CEP135: variants seen among roughly 807,000 people sequenced by gnomAD.
CEP135 encodes the protein centrosomal protein 135.
In CEP135, 142 loss-of-function variants were observed where a neutral mutation model predicts 157.3. That is an observed-to-expected ratio of 0.90 (90% CI 0.79 to 1.04). The LOEUF (loss-of-function observed/expected upper bound fraction) is 1.04. Among genes scored for constraint, CEP135 ranks in the 50% least tolerant of loss-of-function variants. The pLI is 0.00. For missense variants in CEP135, 1,317 were observed against 1,309.2 expected (o/e 1.01, Z -0.09); for synonymous variants, 396 against 439.8 (o/e 0.90, Z 1.25).
chr4:56,008,786 T>C (rs1730453545), intron 18 of CEP135, among the ~76,000 whole-genome samples: 1 of 152,242 alleles, frequency 6.6e-6, no homozygotes, highest in African/African-American at 2.4e-5. Context: ...TGTAAGCCAC[T>C]TCAAGAAAAA....
rs1183705842 is a variant in CEP135, at chr4:56,023,720, AAT to A, written c.3321-774_3321-773del. ...ATATAATATACTGTATATTATATGT[AAT>A]ATATATTGTATCATATATAGTATAT... On this transcript the variant is annotated intron_variant, in intron 24 of 25. Coordinates refer to ENST00000257287, the MANE Select transcript of CEP135 (RefSeq NM_025009.5). Among the ~76,000 whole-genome samples the A allele has an allele frequency of 1.5e-3, 214 of 143,450 alleles. 2 individuals carry two copies. The highest frequency in any genetic ancestry group is 5.1e-3 in the African/African-American group (200 of 39,316). 94.1% of individuals were successfully genotyped at this position (143,450 alleles called of 152,430 possible). A position where few individuals can be genotyped will look rare whatever the true frequency, so the allele number is the denominator to read the frequency against.
intron 24 of CEP135, among the ~76,000 whole-genome samples, chr4:56,023,692 T>C (rs1310957184): frequency 7.0e-6 from 1 of 143,126 alleles, no homozygotes; most frequent in Non-Finnish European, 1.5e-5. Context: ...TCACATAATA[T>C]ATATATAATA....
intron 17 of CEP135, among the ~76,000 whole-genome samples, chr4:56,002,412 GTA>G (rs1730208233): frequency 6.6e-6 from 1 of 151,884 alleles, no homozygotes; most frequent in African/African-American, 2.4e-5. Flanking sequence ...TTTTCTTTCT[GTA>G]CCCTTTGTTG....
intron 17 of CEP135, among the ~76,000 whole-genome samples, chr4:56,007,234 T>G (rs1320334136): frequency 2.0e-5 from 3 of 152,210 alleles, no homozygotes; most frequent in African/African-American, 7.2e-5. Context: ...TGCTTAGAGA[T>G]TCTTCAAACT....
Position 55,964,354 on chromosome 4 carries a change from G to T in CEP135, c.780G>T (p.Glu260Asp), listed in dbSNP as rs1179575617. The T allele has an allele frequency of 1.2e-6, 2 of 1,612,576 alleles. No homozygotes were observed. Among genetic ancestry groups the T allele is most frequent in the African/African-American group, 2.7e-5 (2 of 74,868 alleles). Reference sequence around the variant, plus strand: ...GGTCCCCTGATGTCCTTTCTCTGGAGTCTAGAAATAAAACCAATGAAAAGC... The same window carrying T: ...GGTCCCCTGATGTCCTTTCTCTGGATTCTAGAAATAAAACCAATGAAAAGC... The part of the protein sequence containing the change: ...GGRSPDVLSL[E>D]SRNKTNEKLI... Residue 260 changes from glutamate (E) to aspartate (D), a missense_variant, in exon 7 of 26, where the codon GAG becomes GAT. Physicochemically the swap from Glu to Asp is conservative, Grantham distance 45. Coordinates refer to ENST00000257287, the MANE Select transcript of CEP135 (RefSeq NM_025009.5).
intron 2 of CEP135, 26 bp from the exon 3 acceptor site, chr4:55,953,059 G>T (rs1728406686): frequency 6.7e-7 from 1 of 1,501,154 alleles, no homozygotes; most frequent in Non-Finnish European, 8.9e-7. Context: ...AATATTTCCT[G>T]GTATTTAAAT....
intron 25 of CEP135, among the ~76,000 whole-genome samples, chr4:56,028,159 A>G (rs1281764580): frequency 2.0e-5 from 3 of 152,318 alleles, no homozygotes; most frequent in Admixed American, 1.3e-4. Flanking sequence ...TCATATGGTT[A>G]TTGTGAGTAA....
intron 14 of CEP135, among the ~76,000 whole-genome samples, chr4:55,988,941 G>A (rs1413838188): frequency 6.6e-6 from 1 of 151,354 alleles, no homozygotes; most frequent in East Asian, 1.9e-4. Flanking sequence ...ACTCCAGCCT[G>A]GGAGACAGAG....
rs371655254 is a variant in CEP135, at chr4:55,999,523, G to A, written c.2158G>A (p.Glu720Lys). Reference protein sequence around the residue: ...ELNLKMTSQDEEAHVMKKTIG... With the variant: ...ELNLKMTSQDKEAHVMKKTIG... ...AAACCTTAAGATGACTTCACAGGAT[G>A]AGGAGGCTCATGTAATGAAAAAGAC... Residue 720 changes from glutamate (E) to lysine (K), a missense_variant, in exon 17 of 26, where the codon GAG becomes AAG. By Grantham distance (56) the Glu-to-Lys change is moderately conservative. Coordinates refer to ENST00000257287, the MANE Select transcript of CEP135 (RefSeq NM_025009.5). 3 of 1,611,350 alleles carry A rather than the reference G, an allele frequency of 1.9e-6. No homozygotes were observed. In the African/African-American group the frequency reaches 4.0e-5, roughly 22 times the overall value.
At chr4:55,994,488 A>G (rs1340801856) in intron 15 of CEP135, among the ~76,000 whole-genome samples, 2 of 152,146 alleles carry the variant, frequency 1.3e-5, no homozygotes, top group African/African-American at 4.8e-5. Flanking sequence ...TCAAGGCTAC[A>G]GTGAGCTGTG....
In CEP135 at chr4:56,019,537, C is replaced by G. The variant is rs1435026677; in HGVS notation, c.3197C>G (p.Thr1066Ser). Residue 1066 changes from threonine (T) to serine (S), a missense_variant, in exon 23 of 26, where the codon ACC becomes AGC. By Grantham distance (58) the Thr-to-Ser change is moderately conservative. Transcript: ENST00000257287. ...ATCCAGCTACTTAAGGAGAAGTTAA[C>G]CCTTTCTGAAAGCAAATTGTAAGTG... The part of the protein sequence containing the change: ...TEIQLLKEKL[T>S]LSESKLTSQS... 2 of 1,610,230 alleles carry G rather than the reference C, an allele frequency of 1.2e-6. No individual in the cohort carries two copies. The highest frequency in any genetic ancestry group is 4.5e-5 in the East Asian group (2 of 44,816).
At chr4:56,030,681 C>T (rs190024597) in intron 25 of CEP135, among the ~76,000 whole-genome samples, 2 of 152,222 alleles carry the variant, frequency 1.3e-5, no homozygotes, top group African/African-American at 4.8e-5. Context: ...TCCTGAACTC[C>T]TGGGTTCAAG....
At chr4:56,029,553 G>T (rs1370835322) in intron 25 of CEP135, among the ~76,000 whole-genome samples, 1 of 152,168 alleles carries the variant, frequency 6.6e-6, no homozygotes. Flanking sequence ...AACAACAGGG[G>T]ATATGTTCTG....
intron 11 of CEP135, among the ~76,000 whole-genome samples, chr4:55,978,675 C>A (rs1266198005): frequency 6.6e-6 from 1 of 152,180 alleles, no homozygotes; most frequent in Non-Finnish European, 1.5e-5. Context: ...CTCAGCCTCC[C>A]AAGTAGCTAG....
chr4:55,954,280 A>G lies in CEP135; in HGVS notation c.369A>G (p.Gln123=), dbSNP rs147451921. The G allele has an allele frequency of 5.3e-5, 86 of 1,610,378 alleles. 1 individual carries two copies. The Admixed American group carries it at 5.9e-4, about 11-fold the overall frequency. ...ETADLKFLNN[Q]YAHKLKLLEK... The stretch of plus-strand genomic sequence containing the variant: ...CTGATCTGAAATTTCTGAATAACCA[A>G]TATGCTCATAAACTCAAACTGTTGG... Residue 123 remains glutamine (Q), a synonymous_variant, in exon 4 of 26, where the codon CAA becomes CAG. Coordinates refer to ENST00000257287, the MANE Select transcript of CEP135 (RefSeq NM_025009.5).
At chr4:55,996,284 C>A (rs1455316195) in intron 15 of CEP135, among the ~76,000 whole-genome samples, 2 of 152,030 alleles carry the variant, frequency 1.3e-5, no homozygotes, top group Non-Finnish European at 2.9e-5. Flanking sequence ...CTACACTCAG[C>A]TAATTTTTAA....
intron 17 of CEP135, among the ~76,000 whole-genome samples, chr4:56,001,024 A>G (rs946627259): frequency 1.3e-5 from 2 of 152,054 alleles, no homozygotes; most frequent in African/African-American, 2.4e-5. Flanking sequence ...GCATTTTTTC[A>G]CATGCTTTTT....
intron 6 of CEP135, among the ~76,000 whole-genome samples, chr4:55,962,885 C>T (rs1203330178): frequency 6.6e-6 from 1 of 151,928 alleles, no homozygotes; most frequent in Non-Finnish European, 1.5e-5. Flanking sequence ...TTGATGACTC[C>T]TTCATCTCTC....
chr4:55,999,683 C>A, intron 17 of CEP135, 38 bp downstream of exon 17: 1 of 1,566,616 alleles, frequency 6.4e-7, no homozygotes, highest in Non-Finnish European at 8.6e-7. Flanking sequence ...AGCATCCAAA[C>A]AGAACAGTTT....
Sources: allele counts gnomAD v4.1 joint callset (sites outside exome capture counted in the v4.1 genomes callset), GRCh38; gene constraint gnomAD v4.1.1; transcripts MANE v1.5; gene names NCBI Gene and HGNC (gene_info 2026-07-23, HGNC 2026-07-21).